The following RPS6KC1 variants were observed in gnomAD, a reference collection of about 807,000 sequenced individuals.
The protein encoded by RPS6KC1 is inactive ribosomal protein S6 kinase delta-1.
Under a neutral mutation model 103.8 loss-of-function variants are expected in RPS6KC1, and 54 were observed. That is an observed-to-expected ratio of 0.52 (90% confidence interval 0.42 to 0.65). RPS6KC1 has a LOEUF of 0.65. Ranked by LOEUF, RPS6KC1 falls within the 30% of genes least tolerant of loss-of-function variation. The pLI, the probability that RPS6KC1 is intolerant of heterozygous loss-of-function variation, is 0.00. For missense variants in RPS6KC1, 1,151 were observed against 1,253.8 expected, an observed-to-expected ratio of 0.92 and a Z score of 1.24; for synonymous variants, 439 against 438.7, an observed-to-expected ratio of 1.00 and a Z score of -0.01.
At chr1:213,345,555 A>G in the RPS6KC1 span, among the ~76,000 whole-genome samples, 19 of 152,210 alleles carry the variant, frequency 1.2e-4, no homozygotes, top group Non-Finnish European at 2.9e-5. Flanking sequence ...CTGAATACAG[A>G]CTAGAATGAA....
chr1:213,740,263 C>T, the RPS6KC1 span, among the ~76,000 whole-genome samples: 1 of 151,738 alleles, frequency 6.6e-6, no homozygotes, highest in African/African-American at 2.4e-5. Flanking sequence ...TTGTGATTTA[C>T]AAAAATCACA....
At chr1:213,146,881 A>G (rs2087909332) in intron 6 of RPS6KC1, among the ~76,000 whole-genome samples, 3 of 152,140 alleles carry the variant, frequency 2.0e-5, no homozygotes, top group South Asian at 4.1e-4. Context: ...TCTTTTGGAT[A>G]TAAGCCATTT....
chr1:213,119,425 CATATATATAT>C (rs757888943), intron 5 of RPS6KC1, among the ~76,000 whole-genome samples: 3 of 91,008 alleles, frequency 3.3e-5, no homozygotes, highest in Admixed American at 1.3e-4. Context: ...CCAGCCTGGG[CATATATATAT>C]ATATATATAT....
the RPS6KC1 span, among the ~76,000 whole-genome samples, chr1:213,462,081 C>A: frequency 6.6e-6 from 1 of 151,806 alleles, no homozygotes; most frequent in Non-Finnish European, 1.5e-5. Flanking sequence ...CAAGAAAAAA[C>A]CCCATCAAAA....
chr1:213,222,838 T>C (rs952608939), intron 8 of RPS6KC1, among the ~76,000 whole-genome samples: 4 of 152,364 alleles, frequency 2.6e-5, no homozygotes, highest in African/African-American at 9.6e-5. Flanking sequence ...TTTAATGCTC[T>C]AGGTTTGTTG....
intron 1 of RPS6KC1, among the ~76,000 whole-genome samples, chr1:213,051,959 G>C (rs2076984399): frequency 6.6e-6 from 1 of 152,138 alleles, no homozygotes; most frequent in African/African-American, 2.4e-5. Flanking sequence ...ACAGATTCTT[G>C]GGACAGATGT....
chr1:213,507,167 C>A, the RPS6KC1 span, among the ~76,000 whole-genome samples: 1 of 152,288 alleles, frequency 6.6e-6, no homozygotes, highest in Non-Finnish European at 1.5e-5. Flanking sequence ...CAAGTACAAC[C>A]TATTCCAAGT....
chr1:213,056,623 G>C (rs928758898), intron 1 of RPS6KC1, among the ~76,000 whole-genome samples: 5 of 152,152 alleles, frequency 3.3e-5, no homozygotes, highest in African/African-American at 1.2e-4. Flanking sequence ...TCAAATCGAA[G>C]CACTATTTAT....
intron 12 of RPS6KC1, among the ~76,000 whole-genome samples, chr1:213,246,441 G>A (rs1013919749): frequency 2.0e-5 from 3 of 152,032 alleles, no homozygotes; most frequent in Non-Finnish European, 4.4e-5. Flanking sequence ...AGGTTCTTCT[G>A]CTTTTTTTGT....
the RPS6KC1 span, among the ~76,000 whole-genome samples, chr1:213,596,041 A>T: frequency 6.6e-6 from 1 of 152,224 alleles, no homozygotes; most frequent in Non-Finnish European, 1.5e-5. Context: ...ATGGAAAAAT[A>T]ATTGTAGAAT....
chr1:213,444,334 C>T, the RPS6KC1 span, among the ~76,000 whole-genome samples: 15 of 152,120 alleles, frequency 9.9e-5, no homozygotes, highest in East Asian at 2.3e-3. Flanking sequence ...AGGTGGGGGG[C>T]GGGCACAGTT....
the RPS6KC1 span, among the ~76,000 whole-genome samples, chr1:213,788,876 C>T: frequency 4.7e-5 from 7 of 147,848 alleles, no homozygotes; most frequent in Non-Finnish European, 8.8e-5. Context: ...TAAGACATAG[C>T]GACTAATTCC....
chr1:213,277,787 T>C (rs563999093), downstream of RPS6KC1, among the ~76,000 whole-genome samples: 4 of 152,340 alleles, frequency 2.6e-5, no homozygotes, highest in Admixed American at 6.5e-5. Context: ...AATGCCTCTT[T>C]AATGTGGTAG....
At chr1:213,825,725 C>G in the RPS6KC1 span, among the ~76,000 whole-genome samples, 3 of 152,202 alleles carry the variant, frequency 2.0e-5, no homozygotes, top group Admixed American at 6.5e-5. Flanking sequence ...GTCTCCTCAT[C>G]TGCAAAATCA....
intron 1 of RPS6KC1, among the ~76,000 whole-genome samples, chr1:213,055,274 T>C (rs1397488092): frequency 6.6e-6 from 1 of 152,164 alleles, no homozygotes; most frequent in Non-Finnish European, 1.5e-5. Flanking sequence ...TCACTATAGA[T>C]TGGGTTGTAT....
chr1:213,785,709 T>C, the RPS6KC1 span, among the ~76,000 whole-genome samples: 4 of 152,150 alleles, frequency 2.6e-5, no homozygotes, highest in Admixed American at 2.6e-4. Flanking sequence ...AGTTTGGAGT[T>C]ATCCATGGGT....
chr1:213,175,187 C>G (rs1355996493), intron 7 of RPS6KC1, among the ~76,000 whole-genome samples: 1 of 152,176 alleles, frequency 6.6e-6, no homozygotes, highest in Non-Finnish European at 1.5e-5. Flanking sequence ...CTCCTCATTT[C>G]TGCTCTCCCT....
chr1:213,113,249 G>A lies in RPS6KC1; in HGVS notation c.379-4068G>A, dbSNP rs569089738. Among the ~76,000 whole-genome samples the A allele has an allele frequency of 6.9e-3, 1,047 of 151,646 alleles. 13 individuals carry two copies. Among genetic ancestry groups the A allele is most frequent in the African/African-American group, 0.024 (992 of 41,332 alleles). ...GTTGTTTCCTGACTTTTTAATGATTGCCATTCTAACTGGTGTGAGATGATA... is the reference window on the plus strand; with the variant it reads ...GTTGTTTCCTGACTTTTTAATGATTACCATTCTAACTGGTGTGAGATGATA... On this transcript the variant is annotated intron_variant, in intron 4 of 14. Transcript: ENST00000366960.
the RPS6KC1 span, among the ~76,000 whole-genome samples, chr1:213,648,881 C>G: frequency 1.3e-5 from 2 of 152,298 alleles, no homozygotes; most frequent in East Asian, 3.9e-4. Flanking sequence ...TTGTCTCATG[C>G]CAACATTCCA....
Sources: gnomAD v4.1 joint callset for allele counts (sites outside exome capture counted in the v4.1 genomes callset) on GRCh38, gnomAD v4.1.1 for gene constraint, MANE v1.5 for transcripts, NCBI Gene and HGNC (gene_info 2026-07-23, HGNC 2026-07-21) for gene names.